The following CNTN3 variants were observed in gnomAD, a reference collection of about 807,000 sequenced individuals.
CNTN3 encodes the protein contactin 3, also known as contactin-3.
In CNTN3, 60 loss-of-function variants were observed where a neutral mutation model predicts 119.1. The ratio of observed to expected loss-of-function variants is 0.50; its 90% CI spans 0.41 to 0.62. The LOEUF (loss-of-function observed/expected upper bound fraction) is 0.62. Ranked by LOEUF, CNTN3 falls within the 20% of genes least tolerant of loss-of-function variation. The pLI, the probability that CNTN3 is intolerant of heterozygous loss-of-function variation, is 0.00. For synonymous variants in CNTN3, 450 were observed against 438.7 expected (o/e 1.03, Z -0.32); for missense variants, 1,101 against 1,242.4 (o/e 0.89, Z 1.71).
chr3:74,443,128 T>C (rs1254153346), intron 4 of CNTN3, among the ~76,000 whole-genome samples: 2 of 152,158 alleles, frequency 1.3e-5, no homozygotes, highest in East Asian at 1.9e-4. Flanking sequence ...AGGAGGACAG[T>C]AGCAGCTTTA....
chr3:74,319,323 G>C (rs1260477256), intron 13 of CNTN3, among the ~76,000 whole-genome samples: 4 of 152,220 alleles, frequency 2.6e-5, no homozygotes, highest in African/African-American at 9.6e-5. Context: ...CAGAGATATA[G>C]ATCAATGGAA....
chr3:74,503,340 T>C (rs1020453158), intron 2 of CNTN3, among the ~76,000 whole-genome samples: 1 of 152,168 alleles, frequency 6.6e-6, no homozygotes, highest in African/African-American at 2.4e-5. Flanking sequence ...CTCTGAAATT[T>C]AAGGCTCCTA....
At chr3:74,427,273 G>A (rs1029634869) in intron 4 of CNTN3, among the ~76,000 whole-genome samples, 1 of 152,170 alleles carries the variant, frequency 6.6e-6, no homozygotes, top group South Asian at 2.1e-4. Context: ...GTACACAGAG[G>A]ACTGCATAGT....
At chr3:74,299,970 G>C in intron 16 of CNTN3, 32 bp from the exon 17 acceptor site, 1 of 1,356,534 alleles carries the variant, frequency 7.4e-7, no homozygotes, top group Non-Finnish European at 1.0e-6. Context: ...AGATGAAATG[G>C]TACTTGCATT....
intron 2 of CNTN3, among the ~76,000 whole-genome samples, chr3:74,507,792 C>A (rs987753055): frequency 6.6e-6 from 1 of 151,920 alleles, no homozygotes; most frequent in Non-Finnish European, 1.5e-5. Context: ...CTGCCACACC[C>A]GGCTAACTTT....
chr3:74,492,284 G>C (rs1702978313), intron 3 of CNTN3, among the ~76,000 whole-genome samples: 1 of 152,110 alleles, frequency 6.6e-6, no homozygotes, highest in Non-Finnish European at 1.5e-5. Flanking sequence ...ATGTGAACTT[G>C]TGTCTCAGTC....
chr3:74,531,905 G>A (rs1250227974), intron 1 of CNTN3, among the ~76,000 whole-genome samples: 3 of 151,830 alleles, frequency 2.0e-5, no homozygotes, highest in Non-Finnish European at 2.9e-5. Flanking sequence ...ATGTTGTGAT[G>A]GTCGACCATC....
At chr3:74,285,220 T>C (rs904965385) in intron 20 of CNTN3, 85 bp downstream of exon 20, 1 of 1,366,206 alleles carries the variant, frequency 7.3e-7, no homozygotes, top group Admixed American at 2.3e-5. Flanking sequence ...ATGACTTGGG[T>C]TGTCCATTTC....
chr3:74,354,412 A>T (rs1703886833), intron 11 of CNTN3, among the ~76,000 whole-genome samples: 1 of 152,136 alleles, frequency 6.6e-6, no homozygotes, highest in Non-Finnish European at 1.5e-5. Context: ...AATAATCTTT[A>T]AAATACACCA....
At chr3:74,289,669 A>G (rs1349034007) in intron 19 of CNTN3, among the ~76,000 whole-genome samples, 1 of 152,230 alleles carries the variant, frequency 6.6e-6, no homozygotes, top group Non-Finnish European at 1.5e-5. Context: ...TTTAATTTGC[A>G]AACAATGCTG....
chr3:74,455,146 A>G (rs1265311850), intron 4 of CNTN3, among the ~76,000 whole-genome samples: 1 of 152,114 alleles, frequency 6.6e-6, no homozygotes, highest in African/African-American at 2.4e-5. Context: ...AGGTATACCA[A>G]TCAGACGTAG....
chr3:74,589,318 A>G (rs1704656293), intron 1 of CNTN3, among the ~76,000 whole-genome samples: 1 of 151,460 alleles, frequency 6.6e-6, no homozygotes, highest in Non-Finnish European at 1.5e-5. Context: ...ACACTTCTCA[A>G]AAGAAGACAT....
At chr3:74,362,367 G>A (rs1279696308) in intron 10 of CNTN3, among the ~76,000 whole-genome samples, 1 of 152,172 alleles carries the variant, frequency 6.6e-6, no homozygotes, top group South Asian at 2.1e-4. Context: ...CAGGAATAGG[G>A]TTGTCTCTCT....
At chr3:74,441,290 G>C (rs993159848) in intron 4 of CNTN3, among the ~76,000 whole-genome samples, 2 of 152,008 alleles carry the variant, frequency 1.3e-5, no homozygotes, top group Non-Finnish European at 2.9e-5. Context: ...ATAATAGATG[G>C]AAATAAATAT....
chr3:74,465,050 A>G (rs1575752879), intron 4 of CNTN3, among the ~76,000 whole-genome samples: 2 of 152,188 alleles, frequency 1.3e-5, no homozygotes, highest in East Asian at 1.9e-4. Flanking sequence ...TCTAGCCAAG[A>G]GTATATGTAC....
At chr3:74,427,509 A>G (rs1490328871) in intron 4 of CNTN3, among the ~76,000 whole-genome samples, 3 of 152,236 alleles carry the variant, frequency 2.0e-5, no homozygotes, top group East Asian at 3.8e-4. Flanking sequence ...AAAAAGCTTC[A>G]GATCATTAAA....
chr3:74,434,787 T>A (rs1286919078), intron 4 of CNTN3, among the ~76,000 whole-genome samples: 1 of 152,248 alleles, frequency 6.6e-6, no homozygotes, highest in African/African-American at 2.4e-5. Flanking sequence ...TGATAGGTAC[T>A]ATCACTTTTC....
chr3:74,422,762 A>G (rs1411661545), intron 5 of CNTN3, among the ~76,000 whole-genome samples: 3 of 152,222 alleles, frequency 2.0e-5, no homozygotes, highest in Non-Finnish European at 4.4e-5. Flanking sequence ...GACAATATAA[A>G]TTTAAATTAT....
At chr3:74,556,357 T>G (rs1021602996) in intron 1 of CNTN3, among the ~76,000 whole-genome samples, 6 of 152,190 alleles carry the variant, frequency 3.9e-5, no homozygotes, top group African/African-American at 1.4e-4. Flanking sequence ...TTTATTTCTA[T>G]GGATTTGTTT....
Sources: gnomAD v4.1 joint callset for allele counts (sites outside exome capture counted in the v4.1 genomes callset) on GRCh38, gnomAD v4.1.1 for gene constraint, MANE v1.5 for transcripts, NCBI Gene and HGNC (gene_info 2026-07-23, HGNC 2026-07-21) for gene names.